Variants in PDS5A observed in about 807,000 individuals in gnomAD.
The protein encoded by PDS5A is sister chromatid cohesion protein PDS5 homolog A.
In PDS5A, 42 loss-of-function variants were observed where a neutral mutation model predicts 167.1. The ratio of observed to expected loss-of-function variants is 0.25; its 90% confidence interval spans 0.20 to 0.33. The LOEUF is 0.33. PDS5A is among the 10% of genes least tolerant of loss of function. The pLI, the probability that PDS5A is intolerant of heterozygous loss-of-function variation, is 1.00. For missense variants in PDS5A, 1,033 were observed against 1,605.9 expected, an observed-to-expected ratio of 0.64 and a Z score of 6.10; for synonymous variants, 553 against 554.6, an observed-to-expected ratio of 1.00 and a Z score of 0.04.
intron 2 of PDS5A, chr4:39,932,358 T>A (rs1331643072): frequency 6.5e-6 from 1 of 154,168 alleles, no homozygotes. Context: ...CCACATAGAC[T>A]ACGTGGAAGA....
chr4:39,827,293 G>A (rs1400671819), intron 32 of PDS5A, among the ~76,000 whole-genome samples: 8 of 152,072 alleles, frequency 5.3e-5, no homozygotes, highest in Admixed American at 2.0e-4. Context: ...CACTGGACCC[G>A]GCCAAAGAAT....
chr4:39,974,244 C>T, intron 2 of PDS5A: 1 of 558,406 alleles, frequency 1.8e-6, no homozygotes, highest in Admixed American at 1.9e-5. Context: ...AGGTGCTATC[C>T]CCAAGCTGCT....
At chr4:39,941,473 C>A (rs1004081396) in intron 2 of PDS5A, among the ~76,000 whole-genome samples, 19 of 152,334 alleles carry the variant, frequency 1.2e-4, no homozygotes, top group Admixed American at 9.2e-4. Flanking sequence ...TTTGCCAATA[C>A]GTGCTTCTTT....
chr4:39,826,079 T>C (rs1254007766), intron 32 of PDS5A, among the ~76,000 whole-genome samples: 2 of 152,190 alleles, frequency 1.3e-5, no homozygotes, highest in African/African-American at 4.8e-5. Context: ...CTATTTATCA[T>C]ACTATGGCAA....
At position 39,862,322 on chromosome 4, in the gene PDS5A, A is replaced by G. The variant is rs370459950; in HGVS notation, c.2983T>C (p.Ser995Pro). 2 of 1,476,334 alleles carry G rather than the reference A, an allele frequency of 1.4e-6. No homozygotes were observed. Among genetic ancestry groups the G allele is most frequent in the African/African-American group, 2.8e-5 (2 of 71,712 alleles). 91.5% of individuals were successfully genotyped at this position (1,476,334 alleles called of 1,614,324 possible). ...GGAACTACATATTCAGGCAACAGTG[A>G]TAATAATTTCTCTGAAGTAAAAACA... ...QNPMATEKLL[S>P]LLPEYVVPYM... The change falls in exon 26 of 33, where the codon TCA (serine) becomes CCA (proline). Residue 995 changes from serine (S) to proline (P), a missense_variant. Around this residue, in one of 4 missense-constraint regions of PDS5A, gnomAD observed 367 missense variants for 686.7 expected, o/e 0.53. Transcript: ENST00000303538.
intron 2 of PDS5A, among the ~76,000 whole-genome samples, chr4:39,937,489 C>G (rs1352609853): frequency 6.6e-6 from 1 of 152,150 alleles, no homozygotes; most frequent in East Asian, 1.9e-4. Context: ...TCAGGGATTA[C>G]AACAGCCTCA....
intron 2 of PDS5A, among the ~76,000 whole-genome samples, chr4:39,943,814 AAAC>A (rs889477053): frequency 3.3e-5 from 5 of 151,560 alleles, no homozygotes; most frequent in African/African-American, 9.7e-5. Flanking sequence ...AAAAACAAAC[AAAC>A]AACAACAACA....
At position 39,908,409 on chromosome 4, in the gene PDS5A, T is replaced by A. The variant is rs1218215969; in HGVS notation, c.1219A>T (p.Thr407Ser). The A allele has an allele frequency of 6.2e-7, 1 of 1,613,208 alleles. No individual in the cohort carries two copies. Among genetic ancestry groups the A allele is most frequent in the Non-Finnish European group, 8.5e-7 (1 of 1,179,390 alleles). Residue 407 changes from threonine to serine, a missense_variant, in exon 11 of 33, where the codon ACA becomes TCA. Coordinates refer to ENST00000303538, the MANE Select transcript of PDS5A (RefSeq NM_001100399.2). ...DQLLGFVRER[T>S]LDKRWRVRKE... ...TCAGATTTTACCCGTTTATCCAGTG[T>A]TCTTTCCCTTACAAAGCCAAGCAGC...
intron 11 of PDS5A, among the ~76,000 whole-genome samples, chr4:39,906,881 T>C (rs1299417136): frequency 2.4e-5 from 3 of 123,472 alleles, no homozygotes; most frequent in East Asian, 2.5e-4. Flanking sequence ...TGTTCCTATG[T>C]AACAGGTTAG....
intron 16 of PDS5A, among the ~76,000 whole-genome samples, chr4:39,891,268 G>A (rs950722631): frequency 6.6e-6 from 1 of 150,792 alleles, no homozygotes; most frequent in African/African-American, 2.4e-5. Flanking sequence ...CCCGAACTCA[G>A]GTGATCCAAC....
intron 6 of PDS5A, among the ~76,000 whole-genome samples, chr4:39,922,105 G>A (rs898299691): frequency 6.6e-6 from 1 of 152,134 alleles, no homozygotes; most frequent in Admixed American, 6.5e-5. Context: ...AGATTCTTAG[G>A]AGGATCTGGT....
At chr4:39,889,889 T>C (rs1721814837) in intron 17 of PDS5A, among the ~76,000 whole-genome samples, 1 of 152,246 alleles carries the variant, frequency 6.6e-6, no homozygotes, top group Non-Finnish European at 1.5e-5. Context: ...AGTGGTATAA[T>C]ATGTACTACA....
intron 18 of PDS5A, among the ~76,000 whole-genome samples, chr4:39,878,236 T>C (rs1228869732): frequency 6.6e-6 from 1 of 152,184 alleles, no homozygotes; most frequent in African/African-American, 2.4e-5. Flanking sequence ...GGAGTGATAA[T>C]ATTTACTTAC....
intron 32 of PDS5A, among the ~76,000 whole-genome samples, chr4:39,830,381 AC>A (rs1715751966): frequency 6.6e-6 from 1 of 152,028 alleles, no homozygotes; most frequent in South Asian, 2.1e-4. Context: ...TTTTGTAGAG[AC>A]AGGGTCTTGC....
chr4:39,946,027 C>T (rs1025979894), intron 2 of PDS5A, among the ~76,000 whole-genome samples: 3 of 151,104 alleles, frequency 2.0e-5, no homozygotes, highest in Non-Finnish European at 4.4e-5. Flanking sequence ...GCCAACAAGG[C>T]GAAACCTCGT....
chr4:39,896,344 CT>C (rs1185559250), intron 16 of PDS5A, among the ~76,000 whole-genome samples: 4,360 of 124,936 alleles, frequency 0.035, 145 homozygotes, highest in African/African-American at 0.11. Flanking sequence ...ATGTACTGAT[CT>C]TTTTTTTTTT....
At chr4:39,874,505 T>C in intron 19 of PDS5A, 93 bp from the exon 20 acceptor site, 1 of 986,718 alleles carries the variant, frequency 1.0e-6, no homozygotes, top group South Asian at 1.6e-5. Flanking sequence ...TATGGATGGA[T>C]GCTAGTAGAG....
At chr4:39,854,166 C>T (rs569123122) in intron 26 of PDS5A, among the ~76,000 whole-genome samples, 18 of 151,994 alleles carry the variant, frequency 1.2e-4, no homozygotes, top group Non-Finnish European at 2.2e-4. Flanking sequence ...AGCTGGGCAT[C>T]GTGGTGCATG....
At chr4:39,969,022 G>A (rs141543961) in intron 2 of PDS5A, among the ~76,000 whole-genome samples, 16 of 152,080 alleles carry the variant, frequency 1.1e-4, no homozygotes, top group Admixed American at 2.6e-4. Flanking sequence ...TGATCCGCCC[G>A]CCTAGGCATC....
Sources: gnomAD v4.1 joint callset for allele counts (sites outside exome capture counted in the v4.1 genomes callset) on GRCh38, gnomAD v4.1.1 for gene constraint, gnomAD v4.1.1 regional missense constraint, MANE v1.5 for transcripts, NCBI Gene and HGNC (gene_info 2026-07-23, HGNC 2026-07-21) for gene names.